Variants in NXPE2 observed in about 807,000 individuals in gnomAD.
NXPE2 encodes neurexophilin and PC-esterase domain family member 2, also known as NXPE family member 2.
Under a neutral mutation model 34.4 loss-of-function variants are expected in NXPE2, and 34 were observed. The ratio of observed to expected loss-of-function variants is 0.99; its 90% CI spans 0.75 to 1.31. The LOEUF (loss-of-function observed/expected upper bound fraction) is 1.31. Ranked by LOEUF, NXPE2 falls within the 40% of genes most tolerant of loss-of-function variation. The pLI is 0.00. For synonymous variants in NXPE2, 235 were observed against 231.3 expected, an observed-to-expected ratio of 1.02 and a Z score of -0.15; for missense variants, 649 against 672.5, an observed-to-expected ratio of 0.97 and a Z score of 0.39.
At chr11:114,753,374 C>G in the NXPE2 span, among the ~76,000 whole-genome samples, 2 of 150,362 alleles carry the variant, frequency 1.3e-5, no homozygotes, top group Non-Finnish European at 3.0e-5. Flanking sequence ...GCCTCGGCGA[C>G]AGAGCAAGAC....
the NXPE2 span, among the ~76,000 whole-genome samples, chr11:114,570,030 C>T: frequency 6.6e-6 from 1 of 152,120 alleles, no homozygotes; most frequent in Non-Finnish European, 1.5e-5. Flanking sequence ...CTGTTTCTCT[C>T]AAGATGTAAG....
chr11:114,654,692 T>C, the NXPE2 span, among the ~76,000 whole-genome samples: 2 of 152,202 alleles, frequency 1.3e-5, no homozygotes, highest in Non-Finnish European at 2.9e-5. Context: ...GGTGTATATA[T>C]ACCATATTTT....
the NXPE2 span, among the ~76,000 whole-genome samples, chr11:114,489,172 C>A: frequency 5.9e-5 from 9 of 152,104 alleles, no homozygotes; most frequent in African/African-American, 2.2e-4. Context: ...GAAGTTGAAT[C>A]TCTGAATAGA....
chr11:114,617,850 T>C, the NXPE2 span, among the ~76,000 whole-genome samples: 8 of 152,228 alleles, frequency 5.3e-5, no homozygotes, highest in Admixed American at 3.9e-4. Context: ...ACCCAGTTGA[T>C]AATAAGTATT....
At chr11:114,679,253 T>C (rs1427706160) in intron 1 of NXPE2, among the ~76,000 whole-genome samples, 1 of 139,612 alleles carries the variant, frequency 7.2e-6, no homozygotes, top group Non-Finnish European at 1.5e-5. Flanking sequence ...TGTGCGTGTG[T>C]GTGTGTGTGT....
At chr11:114,740,762 G>A in the NXPE2 span, among the ~76,000 whole-genome samples, 3 of 152,024 alleles carry the variant, frequency 2.0e-5, no homozygotes, top group African/African-American at 7.2e-5. Context: ...TCAAAAGTAA[G>A]GTATTGAAGT....
At chr11:114,558,937 A>G in the NXPE2 span, among the ~76,000 whole-genome samples, 1 of 152,182 alleles carries the variant, frequency 6.6e-6, no homozygotes, top group African/African-American at 2.4e-5. Flanking sequence ...AGACTTTAAT[A>G]TGTATTACTA....
chr11:114,538,853 A>C, the NXPE2 span, among the ~76,000 whole-genome samples: 1 of 152,180 alleles, frequency 6.6e-6, no homozygotes. Flanking sequence ...AAACTAGTTC[A>C]ACCATTGTGG....
chr11:114,679,091 C>A (rs1027832116), intron 1 of NXPE2, among the ~76,000 whole-genome samples: 1 of 151,914 alleles, frequency 6.6e-6, no homozygotes, highest in Admixed American at 6.6e-5. Flanking sequence ...AAGACTGTAA[C>A]TTTCACTCTT....
At chr11:114,488,924 G>A in the NXPE2 span, among the ~76,000 whole-genome samples, 5 of 151,986 alleles carry the variant, frequency 3.3e-5, no homozygotes, top group Non-Finnish European at 7.4e-5. Context: ...CCAGGAGCTG[G>A]TTTTTTGAAA....
the NXPE2 span, among the ~76,000 whole-genome samples, chr11:114,557,960 C>G: frequency 1.3e-5 from 2 of 151,398 alleles, no homozygotes; most frequent in Admixed American, 1.3e-4. Flanking sequence ...AATATGTTAC[C>G]TCATTTTCCT....
At chr11:114,655,081 G>C in the NXPE2 span, among the ~76,000 whole-genome samples, 2 of 152,098 alleles carry the variant, frequency 1.3e-5, no homozygotes, top group Non-Finnish European at 2.9e-5. Context: ...GTGATAATGA[G>C]CTTTTTTTTC....
chr11:114,705,697 A>G, intron 4 of NXPE2, 84 bp from the exon 5 acceptor site: 5 of 817,586 alleles, frequency 6.1e-6, no homozygotes, highest in Non-Finnish European at 9.0e-6. Flanking sequence ...GAAAAAGAGG[A>G]AAAGGAAGGC....
chr11:114,613,791 G>T, the NXPE2 span, among the ~76,000 whole-genome samples: 1 of 150,934 alleles, frequency 6.6e-6, no homozygotes, highest in South Asian at 2.1e-4. Context: ...ACCACAGTTA[G>T]CCGGTGGATA....
chr11:114,571,261 G>C, the NXPE2 span: 1 of 1,613,898 alleles, frequency 6.2e-7, no homozygotes, highest in Non-Finnish European at 8.5e-7. Context: ...GGTCTGAAAT[G>C]CTGGCCCAGG....
At chr11:114,702,139 T>A (rs1951376886) in intron 3 of NXPE2, among the ~76,000 whole-genome samples, 1 of 152,204 alleles carries the variant, frequency 6.6e-6, no homozygotes, top group African/African-American at 2.4e-5. Context: ...AAAACATAAA[T>A]GAGGAGTTAC....
At chr11:114,723,935 T>C in the NXPE2 span, among the ~76,000 whole-genome samples, 77 of 152,206 alleles carry the variant, frequency 5.1e-4, 2 homozygotes, top group Non-Finnish European at 4.0e-4. Context: ...TCTCCTATTT[T>C]GCTTCAAGTT....
At chr11:114,636,981 A>C in the NXPE2 span, among the ~76,000 whole-genome samples, 1 of 152,224 alleles carries the variant, frequency 6.6e-6, no homozygotes, top group African/African-American at 2.4e-5. Context: ...TATTAGGTCC[A>C]CTTGGTGCAG....
At chr11:114,637,764 T>C in the NXPE2 span, among the ~76,000 whole-genome samples, 9 of 151,910 alleles carry the variant, frequency 5.9e-5, no homozygotes, top group Admixed American at 5.9e-4. Flanking sequence ...TTGAAAATTC[T>C]TCTCTTTAAG....
Sources: allele counts gnomAD v4.1 joint callset (sites outside exome capture counted in the v4.1 genomes callset), GRCh38; gene constraint gnomAD v4.1.1; transcripts MANE v1.5; gene names NCBI Gene and HGNC (gene_info 2026-07-23, HGNC 2026-07-21).